Variants in NUTF2 observed in about 807,000 individuals in gnomAD.
The protein encoded by NUTF2 is nuclear transport factor 2, also known as placental protein 15.
NUTF2 carries 3 observed loss-of-function variants against 18.5 expected under a neutral mutation model. That is an observed-to-expected ratio of 0.16 (90% CI 0.07 to 0.42). The LOEUF is 0.42. NUTF2 is among the 10% of genes least tolerant of loss of function. The pLI, the probability that NUTF2 is intolerant of heterozygous loss-of-function variation, is 0.99. For missense variants in NUTF2, 44 were observed against 160.7 expected, an observed-to-expected ratio of 0.27 and a Z score of 3.93; for synonymous variants, 51 against 57.9, an observed-to-expected ratio of 0.88 and a Z score of 0.54.
intron 1 of NUTF2, chr16:67,847,905 G>A (rs1040528335): frequency 6.6e-6 from 1 of 152,250 alleles, no homozygotes; most frequent in Non-Finnish European, 1.5e-5. Flanking sequence ...GGGCTGGAAG[G>A]GGCTTTGGGG....
At chr16:67,864,620 G>A (rs1479704333) in intron 1 of NUTF2, among the ~76,000 whole-genome samples, 2 of 152,110 alleles carry the variant, frequency 1.3e-5, no homozygotes, top group Non-Finnish European at 2.9e-5. Flanking sequence ...GGGCCTGAGG[G>A]CTGTAGTACA....
chr16:67,849,893 C>T (rs2057840214), intron 1 of NUTF2, among the ~76,000 whole-genome samples: 1 of 151,528 alleles, frequency 6.6e-6, no homozygotes, highest in Admixed American at 6.6e-5. Context: ...CTCCTGACCT[C>T]GTGATCCGCC....
At chr16:67,848,832 A>G (rs1419944517) in intron 1 of NUTF2, among the ~76,000 whole-genome samples, 1 of 151,956 alleles carries the variant, frequency 6.6e-6, no homozygotes, top group Non-Finnish European at 1.5e-5. Context: ...CAGGTCTCTT[A>G]GAAGGGCTGA....
Position 67,869,405 on chromosome 16 carries a change from T to C in NUTF2, c.270+806T>C, listed in dbSNP as rs2057996396. On this transcript the variant is annotated intron_variant, in intron 4 of 4. Coordinates refer to ENST00000219169, the MANE Select transcript of NUTF2 (RefSeq NM_005796.3). ...CTCTTTGCATTTTCCTTCCTCCTTC[T>C]CAAGACCTATTATTCTCAGAGACTT... is the stretch of plus-strand genomic sequence containing the variant. Among the ~76,000 whole-genome samples, 2 of 151,460 alleles carry C rather than the reference T, an allele frequency of 1.3e-5. 1 individual carries two copies. The highest frequency in any genetic ancestry group is 4.2e-4 in the South Asian group (2 of 4,806).
In NUTF2 at chr16:67,872,000, A is replaced by G. The variant is rs2058016791; in HGVS notation, c.*1087A>G. 1.3e-5 allele frequency: 2 copies of G among 152,316 alleles called. No individual in the cohort carries two copies. Among genetic ancestry groups the G allele is most frequent in the African/African-American group, 4.8e-5 (2 of 41,434 alleles). The allele number at this position is 152,316 out of a possible 1,614,324, so 9.4% of individuals were successfully genotyped here. A position where few individuals can be genotyped will look rare whatever the true frequency, so the allele number is the denominator to read the frequency against. ...CTCACCCCTCAGACTGCTGCAGGACATTGCCAGGCCTCTCTCCACTTCCTT... is the reference window on the plus strand; with the variant it reads ...CTCACCCCTCAGACTGCTGCAGGACGTTGCCAGGCCTCTCTCCACTTCCTT... On this transcript the variant is annotated 3_prime_UTR_variant, in exon 5 of 5. Coordinates refer to ENST00000219169, the MANE Select transcript of NUTF2 (RefSeq NM_005796.3).
intron 2 of NUTF2, among the ~76,000 whole-genome samples, chr16:67,866,782 A>AT (rs1161422034): frequency 4.0e-5 from 6 of 149,664 alleles, no homozygotes; most frequent in Non-Finnish European, 7.4e-5. Flanking sequence ...TAATTTTTGT[A>AT]TTTTTAGTGG....
chr16:67,862,855 T>C (rs760142181), intron 1 of NUTF2, among the ~76,000 whole-genome samples: 17 of 152,148 alleles, frequency 1.1e-4, no homozygotes, highest in Non-Finnish European at 2.1e-4. Context: ...CATTTGCTGG[T>C]GCTGTTTCTT....
chr16:67,855,926 C>T, intron 1 of NUTF2: 1 of 623,026 alleles, frequency 1.6e-6, no homozygotes, highest in South Asian at 2.4e-5. Flanking sequence ...AACTTTATTT[C>T]ATTGCGGGGA....
chr16:67,853,773 A>G (rs1189421724), intron 1 of NUTF2, among the ~76,000 whole-genome samples: 1 of 149,866 alleles, frequency 6.7e-6, no homozygotes, highest in Non-Finnish European at 1.5e-5. Flanking sequence ...AGCCTCCCAA[A>G]GTCCTGGGAT....
In NUTF2 at chr16:67,865,225, T is replaced by G; in HGVS notation, c.95T>G (p.Ile32Ser). 3 of 1,608,264 alleles carry G rather than the reference T, an allele frequency of 1.9e-6. No individual in the cohort carries two copies. The highest frequency in any genetic ancestry group is 2.6e-6 in the Non-Finnish European group (3 of 1,174,874). Residue 32 changes from isoleucine (I) to serine (S), a missense_variant, in exon 2 of 5, where the codon ATT (isoleucine) becomes AGT (serine). Coordinates refer to ENST00000219169, the MANE Select transcript of NUTF2 (RefSeq NM_005796.3). ...FDNDRTQLGA[I>S]YIDASCLTWE... ...AATGATAGAACCCAACTAGGCGCAA[T>G]TTACGTAAGTTTCCAGCTCTAGGGC... is the stretch of plus-strand genomic sequence containing the variant.
chr16:67,852,595 C>T (rs977001552), intron 1 of NUTF2, among the ~76,000 whole-genome samples: 2 of 152,068 alleles, frequency 1.3e-5, no homozygotes, highest in South Asian at 2.1e-4. Flanking sequence ...TGACCTCAGG[C>T]GATCCGCCCA....
intron 1 of NUTF2, among the ~76,000 whole-genome samples, chr16:67,860,116 A>T (rs1385176879): frequency 1.3e-5 from 2 of 151,566 alleles, no homozygotes; most frequent in Non-Finnish European, 2.9e-5. Flanking sequence ...AGTAGCTGGG[A>T]CTACAGGTGT....
rs545568672 is a variant in NUTF2, at chr16:67,850,265, C to T, written c.-30+3280C>T. On this transcript the variant is annotated intron_variant, in intron 1 of 4. Transcript: ENST00000219169. ...TGTCTCACAGGCTGGAGTGCAGTGGCGCGATCTCGGCTCACTGCAAGCTCC... is the reference window on the plus strand; with the variant it reads ...TGTCTCACAGGCTGGAGTGCAGTGGTGCGATCTCGGCTCACTGCAAGCTCC... Among the ~76,000 whole-genome samples, 390 of 145,968 alleles carry T rather than the reference C, an allele frequency of 2.7e-3. 3 individuals are homozygous for T. The highest frequency in any genetic ancestry group is 0.016 in the South Asian group (75 of 4,586).
chr16:67,850,265 C>G (rs545568672), intron 1 of NUTF2, among the ~76,000 whole-genome samples: 2 of 145,880 alleles, frequency 1.4e-5, no homozygotes, highest in Admixed American at 1.4e-4. Flanking sequence ...AGTGCAGTGG[C>G]GCGATCTCGG....
chr16:67,856,249 G>A (rs1276562063), intron 1 of NUTF2: 3 of 198,604 alleles, frequency 1.5e-5, no homozygotes, highest in African/African-American at 2.3e-5. Context: ...CTGGAGTGCC[G>A]TGGTGTGATC....
In NUTF2 at chr16:67,865,030, GGT is replaced by G. The variant is rs909225797; in HGVS notation, c.-29-70_-29-69del. ...AAGGACTCCAGGAAGGCCAGTGAGG[GGT>G]GGGGGTCAGTGGCTGGTCACCTACT... On this transcript the variant is annotated intron_variant, in intron 1 of 4. Coordinates refer to ENST00000219169, the MANE Select transcript of NUTF2 (RefSeq NM_005796.3). The G allele has an allele frequency of 5.3e-5, 38 of 718,078 alleles. No homozygotes were observed. In the African/African-American group the frequency reaches 6.7e-4, roughly 13 times the overall value. 44.5% of individuals were successfully genotyped at this position (718,078 alleles called of 1,614,324 possible).
intron 1 of NUTF2, chr16:67,855,973 C>A: frequency 8.2e-7 from 1 of 1,218,728 alleles, no homozygotes; most frequent in Non-Finnish European, 1.2e-6. Flanking sequence ...TCTGGAACTG[C>A]TTCTTGGTGC....
intron 2 of NUTF2, among the ~76,000 whole-genome samples, chr16:67,865,759 G>A (rs1250990930): frequency 1.4e-5 from 2 of 139,876 alleles, no homozygotes; most frequent in African/African-American, 2.7e-5. Context: ...TTGCTCTTTC[G>A]CCAGGCTGGA....
chr16:67,858,988 C>T (rs2057916304), intron 1 of NUTF2, among the ~76,000 whole-genome samples: 1 of 149,944 alleles, frequency 6.7e-6, no homozygotes, highest in Admixed American at 6.6e-5. Context: ...AGGCATATTC[C>T]ACTATGTCCA....
Sources: allele counts gnomAD v4.1 joint callset (sites outside exome capture counted in the v4.1 genomes callset), GRCh38; gene constraint gnomAD v4.1.1; transcripts MANE v1.5; gene names NCBI Gene and HGNC (gene_info 2026-07-23, HGNC 2026-07-21).